The following PLXDC2 variants were observed in gnomAD, a reference collection of about 807,000 sequenced individuals.
PLXDC2 encodes plexin domain-containing protein 2.
Under a neutral mutation model 68.9 loss-of-function variants are expected in PLXDC2, and 40 were observed. The observed-to-expected ratio is 0.58, with a 90% confidence interval of 0.45 to 0.76. The LOEUF is 0.76. Ranked by LOEUF, PLXDC2 falls within the 30% of genes least tolerant of loss-of-function variation. The pLI is 0.00. For synonymous variants in PLXDC2, 243 were observed against 234.2 expected, an observed-to-expected ratio of 1.04 and a Z score of -0.34; for missense variants, 644 against 661.9, an observed-to-expected ratio of 0.97 and a Z score of 0.30.
chr10:19,867,714 A>G (rs997396182), intron 1 of PLXDC2, among the ~76,000 whole-genome samples: 2 of 151,716 alleles, frequency 1.3e-5, no homozygotes, highest in South Asian at 2.1e-4. Flanking sequence ...CCATATTCAG[A>G]CCAACAGCAT....
At chr10:19,823,631 C>T (rs962209610) in intron 1 of PLXDC2, among the ~76,000 whole-genome samples, 1 of 150,660 alleles carries the variant, frequency 6.6e-6, no homozygotes, top group African/African-American at 2.4e-5. Context: ...GAGATTGCGC[C>T]ACTGCACTCC....
intron 2 of PLXDC2, among the ~76,000 whole-genome samples, chr10:20,045,481 T>TA (rs1226659465): frequency 5.3e-5 from 8 of 152,156 alleles, no homozygotes; most frequent in Non-Finnish European, 1.2e-4. Flanking sequence ...CTTCATTACA[T>TA]AAAAAAACTT....
At chr10:19,960,664 A>G (rs994141245) in intron 1 of PLXDC2, among the ~76,000 whole-genome samples, 7 of 152,320 alleles carry the variant, frequency 4.6e-5, no homozygotes, top group Admixed American at 4.6e-4. Context: ...GTTCAAACAC[A>G]TATTAAAATA....
intron 1 of PLXDC2, among the ~76,000 whole-genome samples, chr10:19,970,598 C>G (rs573390036): frequency 2.0e-5 from 3 of 152,080 alleles, no homozygotes; most frequent in Non-Finnish European, 2.9e-5. Flanking sequence ...TCTTGGCTTC[C>G]GATTTTTTTC....
intron 1 of PLXDC2, among the ~76,000 whole-genome samples, chr10:19,820,927 A>G (rs1488903764): frequency 2.6e-5 from 4 of 152,068 alleles, no homozygotes; most frequent in Non-Finnish European, 5.9e-5. Context: ...AAAATACAAA[A>G]ATTAGCCGTG....
intron 9 of PLXDC2, among the ~76,000 whole-genome samples, chr10:20,196,031 A>G (rs1834832914): frequency 6.6e-6 from 1 of 152,158 alleles, no homozygotes; most frequent in Admixed American, 6.5e-5. Context: ...TTTGGTATGA[A>G]GTCAAGAATT....
At chr10:19,829,534 C>T (rs563612996) in intron 1 of PLXDC2, among the ~76,000 whole-genome samples, 1 of 152,210 alleles carries the variant, frequency 6.6e-6, no homozygotes, top group Admixed American at 6.5e-5. Context: ...GGGCTCATGC[C>T]TATAATCTCA....
chr10:20,147,762 T>C, intron 5 of PLXDC2, 22 bp from the exon 6 acceptor site: 1 of 1,431,008 alleles, frequency 7.0e-7, no homozygotes, highest in Non-Finnish European at 9.7e-7. Context: ...TTGCATTTCT[T>C]CTTTTTTCAA....
At chr10:20,248,957 T>C (rs1165013744) in intron 13 of PLXDC2, among the ~76,000 whole-genome samples, 1 of 152,212 alleles carries the variant, frequency 6.6e-6, no homozygotes, top group African/African-American at 2.4e-5. Flanking sequence ...TGCAGAAATG[T>C]AAAAGGAAGA....
chr10:19,933,151 C>T (rs1210643533), intron 1 of PLXDC2, among the ~76,000 whole-genome samples: 2 of 152,178 alleles, frequency 1.3e-5, no homozygotes, highest in African/African-American at 4.8e-5. Flanking sequence ...AACTACTTAA[C>T]TCCTGTCAAG....
intron 1 of PLXDC2, among the ~76,000 whole-genome samples, chr10:19,885,129 T>C (rs1263003310): frequency 1.3e-5 from 2 of 152,190 alleles, no homozygotes; most frequent in African/African-American, 2.4e-5. Context: ...TTTCATGTGT[T>C]TTTTGGCTGC....
At chr10:20,230,807 C>A (rs1588532031) in intron 12 of PLXDC2, among the ~76,000 whole-genome samples, 1 of 139,194 alleles carries the variant, frequency 7.2e-6, no homozygotes, top group African/African-American at 2.6e-5. Context: ...TTGAACAATA[C>A]TGACAACCAC....
At chr10:20,185,660 T>C (rs896497766) in intron 9 of PLXDC2, among the ~76,000 whole-genome samples, 5 of 151,966 alleles carry the variant, frequency 3.3e-5, no homozygotes, top group Non-Finnish European at 1.5e-5. Flanking sequence ...GCATTGCTTA[T>C]AACCCTTTTG....
At chr10:20,037,800 A>G (rs1480934460) in intron 2 of PLXDC2, among the ~76,000 whole-genome samples, 2 of 152,186 alleles carry the variant, frequency 1.3e-5, no homozygotes, top group Non-Finnish European at 2.9e-5. Flanking sequence ...AATCTCATCT[A>G]TGAGAGAGAT....
chr10:20,085,657 A>C (rs1833181316), intron 4 of PLXDC2, among the ~76,000 whole-genome samples: 1 of 152,196 alleles, frequency 6.6e-6, no homozygotes, highest in Non-Finnish European at 1.5e-5. Context: ...GCGGACCCAA[A>C]GCCCATCTAA....
At chr10:20,138,689 G>C (rs1166747782) in intron 4 of PLXDC2, among the ~76,000 whole-genome samples, 3 of 152,186 alleles carry the variant, frequency 2.0e-5, no homozygotes, top group Non-Finnish European at 4.4e-5. Context: ...AAGGCGGGTG[G>C]ATCACTTGAG....
chr10:20,092,478 T>G (rs1486427432), intron 4 of PLXDC2, among the ~76,000 whole-genome samples: 1 of 152,158 alleles, frequency 6.6e-6, no homozygotes, highest in Non-Finnish European at 1.5e-5. Context: ...TAGAAAGGTT[T>G]TCAAAATTTA....
At chr10:20,122,380 C>T (rs960400519) in intron 4 of PLXDC2, among the ~76,000 whole-genome samples, 1 of 152,072 alleles carries the variant, frequency 6.6e-6, no homozygotes, top group Non-Finnish European at 1.5e-5. Flanking sequence ...GCTCAGCGTC[C>T]GTGATGGTCT....
At chr10:20,100,037 CT>C (rs1307369961) in intron 4 of PLXDC2, among the ~76,000 whole-genome samples, 2 of 152,166 alleles carry the variant, frequency 1.3e-5, no homozygotes, top group Non-Finnish European at 2.9e-5. Flanking sequence ...AACTTATTCC[CT>C]GTCGCAAAAT....
Sources: gnomAD v4.1 joint callset for allele counts (sites outside exome capture counted in the v4.1 genomes callset) on GRCh38, gnomAD v4.1.1 for gene constraint, MANE v1.5 for transcripts, NCBI Gene and HGNC (gene_info 2026-07-23, HGNC 2026-07-21) for gene names.